The following KIF13A variants were observed in gnomAD, a reference collection of about 807,000 sequenced individuals.
KIF13A encodes the protein kinesin-like protein KIF13A.
In KIF13A, 79 loss-of-function variants were observed where a neutral mutation model predicts 212.2. The ratio of observed to expected loss-of-function variants is 0.37; its 90% confidence interval spans 0.31 to 0.45. The LOEUF (loss-of-function observed/expected upper bound fraction) is 0.45, where lower values mean the gene tolerates loss of function less well. Among genes scored for constraint, KIF13A ranks in the 20% least tolerant of loss-of-function variants. The pLI is 1.00. For synonymous variants in KIF13A, 789 were observed against 808.6 expected (o/e 0.98, Z 0.41); for missense variants, 1,901 against 2,209.0 (o/e 0.86, Z 2.79).
Position 17,773,331 on chromosome 6 carries a change from T to C in KIF13A, c.4324+147A>G. 2 of 487,856 alleles carry C rather than the reference T, an allele frequency of 4.1e-6. No individual in the cohort carries two copies. The highest frequency in any genetic ancestry group is 7.3e-6 in the Non-Finnish European group (2 of 274,074). 30.2% of individuals were successfully genotyped at this position (487,856 alleles called of 1,614,324 possible). ...ATAAATCAAATAAGTGAATGTTATA[T>C]GTTACATTCAATAACAGTTTTGTAT... is the stretch of plus-strand genomic sequence containing the variant. On this transcript the variant is annotated intron_variant, in intron 36 of 38. Transcript: ENST00000259711. The surrounding 1 kb of genome is among the most constrained non-coding windows in gnomAD (Gnocchi z 4.2).
rs985209839 is a variant in KIF13A at position 17,897,131 on chromosome 6, T to C, written c.159+1037A>G. Among the ~76,000 whole-genome samples the C allele has an allele frequency of 6.6e-6, 1 of 152,216 alleles. No individual in the cohort carries two copies. Among genetic ancestry groups the C allele is most frequent in the African/African-American group, 2.4e-5 (1 of 41,458 alleles). On this transcript the variant is annotated intron_variant, in intron 3 of 38. Coordinates refer to ENST00000259711, the MANE Select transcript of KIF13A (RefSeq NM_022113.6). This position sits in a 1 kb window ranked among gnomAD's most constrained non-coding sequence, Gnocchi z 4.8. ...TTCCTTGCTAAAGCTGAAACTCTTA[T>C]TGCCAAGGACAATGTCTTCAATAAG... is the stretch of plus-strand genomic sequence containing the variant.
intron 2 of KIF13A, among the ~76,000 whole-genome samples, chr6:17,929,602 G>C (rs915056559): frequency 6.6e-6 from 1 of 152,016 alleles, no homozygotes; most frequent in African/African-American, 2.4e-5. Flanking sequence ...GGGTTTCACC[G>C]TGTTAGCCAG....
intron 19 of KIF13A, among the ~76,000 whole-genome samples, chr6:17,805,098 C>A (rs1423581891): frequency 1.3e-5 from 2 of 151,976 alleles, no homozygotes; most frequent in South Asian, 4.1e-4. Flanking sequence ...TGCGTGAACA[C>A]ACATTAATGA....
intron 2 of KIF13A, among the ~76,000 whole-genome samples, chr6:17,959,978 C>G (rs1197651111): frequency 6.6e-6 from 1 of 151,498 alleles, no homozygotes; most frequent in Non-Finnish European, 1.5e-5. Flanking sequence ...GCCGAGATCG[C>G]GCCATTCCAC....
chr6:17,857,081 C>T (rs1768210636), intron 4 of KIF13A, among the ~76,000 whole-genome samples: 1 of 152,084 alleles, frequency 6.6e-6, no homozygotes, highest in African/African-American at 2.4e-5. Context: ...CATGATAGTT[C>T]CTTTTACATT....
At position 17,879,467 on chromosome 6, in the gene KIF13A, C is replaced by T. The variant is rs193226694; in HGVS notation, c.160-6030G>A. Among the ~76,000 whole-genome samples, 604 of 152,296 alleles carry T rather than the reference C, an allele frequency of 4.0e-3. 3 individuals are homozygous for T. Among genetic ancestry groups the T allele is most frequent in the Non-Finnish European group, 5.6e-3 (382 of 68,034 alleles). ...GGATATATTTTTAGATGTTTCATTACTTTCACATGCATGGTTTGGGGGAAC... is the reference window on the plus strand; with the variant it reads ...GGATATATTTTTAGATGTTTCATTATTTTCACATGCATGGTTTGGGGGAAC... On this transcript the variant is annotated intron_variant, in intron 3 of 38. Coordinates refer to ENST00000259711, the MANE Select transcript of KIF13A (RefSeq NM_022113.6).
downstream of KIF13A, chr6:17,759,410 C>T (rs1354708194): frequency 6.6e-6 from 1 of 152,110 alleles, no homozygotes; most frequent in Non-Finnish European, 1.5e-5. Context: ...ACTATACACA[C>T]AAATCATGAA....
intron 16 of KIF13A, among the ~76,000 whole-genome samples, chr6:17,823,288 T>C (rs1191804034): frequency 1.3e-5 from 2 of 151,872 alleles, no homozygotes; most frequent in Non-Finnish European, 2.9e-5. Context: ...TGCCTCATCC[T>C]CCCAAAGTGC....
rs1331150822 is a variant in KIF13A at position 17,850,312 on chromosome 6, T to A, written c.717+11A>T. On this transcript the variant is annotated intron_variant, in intron 8 of 38. Transcript: ENST00000259711. The surrounding 1 kb of genome is among the most constrained non-coding windows in gnomAD (Gnocchi z 6.2). ...ACCCCCACTCCAAAAAGGTTCTGCC[T>A]AATCCCTTACCCCAGACTGCAGGTC... 5.0e-6 allele frequency: 8 copies of A among 1,609,300 alleles called. No homozygotes were observed. The highest frequency in any genetic ancestry group is 1.7e-5 in the Admixed American group (1 of 59,452).
At chr6:17,911,647 G>T (rs1418351770) in intron 2 of KIF13A, among the ~76,000 whole-genome samples, 1 of 150,230 alleles carries the variant, frequency 6.7e-6, no homozygotes, top group Admixed American at 6.6e-5. Context: ...GTTACCAGAA[G>T]CTGGGAAGGG....
rs904606297 is a variant in KIF13A, at chr6:17,900,227, C to T, written c.147-2047G>A. On this transcript the variant is annotated intron_variant, in intron 2 of 38. Transcript: ENST00000259711. The surrounding 1 kb of genome is among the most constrained non-coding windows in gnomAD (Gnocchi z 4.6). The stretch of plus-strand genomic sequence containing the variant: ...GAGCTCTCTGGAGTTCTCTTATGTG[C>T]CCTTTATGCCACAGCCACAGCACAA... 2.6e-5 allele frequency among the ~76,000 whole-genome samples: 4 copies of T among 152,146 alleles called. No individual in the cohort carries two copies. The highest frequency in any genetic ancestry group is 6.5e-5 in the Admixed American group (1 of 15,276).
rs1000306683 is a variant in KIF13A, at chr6:17,914,372, C to A, written c.147-16192G>T. 1.4e-3 allele frequency among the ~76,000 whole-genome samples: 211 copies of A among 152,010 alleles called. 10 individuals are homozygous for A. The highest frequency in any genetic ancestry group is 9.8e-4 in the Admixed American group (15 of 15,270). Reference sequence around the variant, plus strand: ...AGATTTTCATTTCTATGCAATCAACCAGTTAATATAATTAAAAAAAATTAC... The same window carrying A: ...AGATTTTCATTTCTATGCAATCAACAAGTTAATATAATTAAAAAAAATTAC... On this transcript the variant is annotated intron_variant, in intron 2 of 38. Coordinates refer to ENST00000259711, the MANE Select transcript of KIF13A (RefSeq NM_022113.6). The surrounding 1 kb of genome is among the most constrained non-coding windows in gnomAD (Gnocchi z 5.9).
chr6:17,973,475 C>A (rs961480129), intron 2 of KIF13A, among the ~76,000 whole-genome samples: 29 of 152,148 alleles, frequency 1.9e-4, no homozygotes, highest in African/African-American at 6.8e-4. Context: ...GAATGGTGAC[C>A]CTGTCCTCTT....
chr6:17,798,528 T>TATGTTTTCTAAGTGTA (rs1480201720), intron 22 of KIF13A, among the ~76,000 whole-genome samples: 3 of 152,200 alleles, frequency 2.0e-5, no homozygotes, highest in African/African-American at 7.2e-5. Flanking sequence ...TTATAGGTGG[T>TATGTTTTCTAAGTGTA]GATATGGATT....
downstream of KIF13A, chr6:17,760,984 T>C: frequency 1.9e-6 from 2 of 1,073,344 alleles, no homozygotes; most frequent in South Asian, 2.8e-5. Context: ...AAAGGGGCTC[T>C]TCCTGAAGGG....
intron 38 of KIF13A, among the ~76,000 whole-genome samples, chr6:17,767,680 G>C (rs550305036): frequency 6.6e-6 from 1 of 152,280 alleles, no homozygotes; most frequent in Admixed American, 6.5e-5. Flanking sequence ...CTATAATTAA[G>C]TACTGAAAAG....
At position 17,775,161 on chromosome 6, in the gene KIF13A, T is replaced by C. The variant is rs1370197874; in HGVS notation, c.4171-99A>G. ...AGAATGTCACAGTTGAAGCCTGCAG[T>C]CTTCATTCTTCTCCTCCTCTTTCTT... On this transcript the variant is annotated intron_variant, in intron 34 of 38. Coordinates refer to ENST00000259711, the MANE Select transcript of KIF13A (RefSeq NM_022113.6). The C allele has an allele frequency of 5.8e-6, 5 of 860,606 alleles. No homozygotes were observed. The Admixed American group carries it at 1.3e-4, about 22-fold the overall frequency. 53.3% of individuals were successfully genotyped at this position (860,606 alleles called of 1,614,324 possible).
At chr6:17,917,319 CA>C (rs1774617230) in intron 2 of KIF13A, among the ~76,000 whole-genome samples, 1 of 145,374 alleles carries the variant, frequency 6.9e-6, no homozygotes, top group Non-Finnish European at 1.5e-5. Flanking sequence ...CAGCTCACTG[CA>C]ACCTCTGCCT....
At chr6:17,929,254 G>A (rs1345249348) in intron 2 of KIF13A, among the ~76,000 whole-genome samples, 2 of 151,992 alleles carry the variant, frequency 1.3e-5, no homozygotes, top group African/African-American at 2.4e-5. Context: ...CGCATGGGGA[G>A]GGCAGGGTCT....
Sources: gnomAD v4.1 joint callset for allele counts (sites outside exome capture counted in the v4.1 genomes callset) on GRCh38, gnomAD v4.1.1 for gene constraint, Gnocchi (gnomAD v3.1) non-coding constraint, MANE v1.5 for transcripts, NCBI Gene and HGNC (gene_info 2026-07-23, HGNC 2026-07-21) for gene names.